The following DCAF6 variants were observed in gnomAD, a reference collection of about 807,000 sequenced individuals.
DCAF6 encodes the protein DDB1- and CUL4-associated factor 6.
A neutral mutation model predicts 125.1 loss-of-function variants in DCAF6; 54 were observed. That is an observed-to-expected ratio of 0.43 (90% CI 0.35 to 0.54). The LOEUF is 0.54. DCAF6 is among the 20% of genes least tolerant of loss of function. The pLI is 0.01. For missense variants in DCAF6, 934 were observed against 1,161.7 expected (o/e 0.80, Z 2.85); for synonymous variants, 371 against 390.4 (o/e 0.95, Z 0.58).
chr1:167,899,819 A>G, the DCAF6 span, among the ~76,000 whole-genome samples: 1 of 152,236 alleles, frequency 6.6e-6, no homozygotes, highest in Non-Finnish European at 1.5e-5. Context: ...CCCTTCTTCC[A>G]AAGCTAGAAA....
intron 7 of DCAF6, among the ~76,000 whole-genome samples, chr1:167,997,641 C>T (rs1681935961): frequency 6.7e-6 from 1 of 149,838 alleles, no homozygotes; most frequent in African/African-American, 2.5e-5. Flanking sequence ...GTTTAATTTT[C>T]AGGAAAAAAA....
At chr1:167,874,200 G>A in the DCAF6 span, among the ~76,000 whole-genome samples, 2,180 of 152,074 alleles carry the variant, frequency 0.014, 23 homozygotes, top group East Asian at 0.068. Context: ...GCATGGTGGC[G>A]GACACCTGTA....
chr1:167,915,641 C>T, the DCAF6 span, among the ~76,000 whole-genome samples: 2 of 152,022 alleles, frequency 1.3e-5, no homozygotes, highest in African/African-American at 2.4e-5. Flanking sequence ...AGTAGAGATG[C>T]GGTTTCACCA....
chr1:167,920,664 T>G, the DCAF6 span: 1 of 1,590,814 alleles, frequency 6.3e-7, no homozygotes, highest in East Asian at 2.3e-5. Context: ...AAAAAAAGTA[T>G]CACAAATGTG....
chr1:168,028,477 T>C (rs1387552336), intron 12 of DCAF6, among the ~76,000 whole-genome samples: 1 of 152,192 alleles, frequency 6.6e-6, no homozygotes, highest in Non-Finnish European at 1.5e-5. Context: ...AACTTACGTC[T>C]GTAGGCAGTT....
At chr1:168,002,455 T>C in intron 7 of DCAF6, 27 bp from the exon 8 acceptor site, 1 of 1,601,226 alleles carries the variant, frequency 6.2e-7, no homozygotes, top group Non-Finnish European at 8.6e-7. Flanking sequence ...TAGACTTACA[T>C]AGAATTTACC....
At chr1:167,872,007 A>G in the DCAF6 span, among the ~76,000 whole-genome samples, 2 of 152,178 alleles carry the variant, frequency 1.3e-5, no homozygotes, top group Admixed American at 1.3e-4. Flanking sequence ...TGTACCCTAG[A>G]ACTTAAAGTA....
intron 13 of DCAF6, among the ~76,000 whole-genome samples, chr1:168,042,066 T>C (rs999890613): frequency 2.0e-5 from 3 of 152,030 alleles, no homozygotes; most frequent in African/African-American, 4.8e-5. Flanking sequence ...AATAATATTA[T>C]ATATGTACTC....
the DCAF6 span, among the ~76,000 whole-genome samples, chr1:167,873,737 CAA>C: frequency 5.3e-5 from 8 of 151,852 alleles, no homozygotes; most frequent in Admixed American, 1.3e-4. Context: ...AAGGTAAAAA[CAA>C]AATTTCTGAA....
intron 2 of DCAF6, among the ~76,000 whole-genome samples, chr1:167,953,903 A>AT (rs1327115448): frequency 2.0e-5 from 3 of 151,492 alleles, no homozygotes; most frequent in Non-Finnish European, 1.5e-5. Flanking sequence ...CTGGCCCAAC[A>AT]TTTTTTTCAA....
At chr1:168,038,168 G>A (rs951307830) in intron 12 of DCAF6, among the ~76,000 whole-genome samples, 28 of 152,272 alleles carry the variant, frequency 1.8e-4, no homozygotes, top group African/African-American at 6.7e-4. Context: ...TGTACACAAA[G>A]CTAGAACTTG....
intron 10 of DCAF6, among the ~76,000 whole-genome samples, chr1:168,006,128 T>C (rs1683299878): frequency 6.6e-6 from 1 of 152,184 alleles, no homozygotes; most frequent in Non-Finnish European, 1.5e-5. Flanking sequence ...CAACTAATTC[T>C]AGTTGTTTCT....
chr1:168,033,634 G>A (rs987698994), intron 12 of DCAF6, among the ~76,000 whole-genome samples: 3 of 152,080 alleles, frequency 2.0e-5, no homozygotes, highest in Non-Finnish European at 2.9e-5. Context: ...GATCTTTTAA[G>A]TTGGTTTCCT....
At chr1:167,866,247 A>G in the DCAF6 span, among the ~76,000 whole-genome samples, 7 of 152,182 alleles carry the variant, frequency 4.6e-5, no homozygotes, top group East Asian at 1.2e-3. Context: ...AAAATAAGAC[A>G]TCGTAAAGCG....
At chr1:167,988,168 A>T (rs1680286105) in intron 5 of DCAF6, among the ~76,000 whole-genome samples, 1 of 152,080 alleles carries the variant, frequency 6.6e-6, no homozygotes, top group African/African-American at 2.4e-5. Flanking sequence ...TTAATTAATT[A>T]ATTTTTTTTG....
upstream of DCAF6, chr1:167,935,964 G>C: frequency 1.4e-6 from 1 of 734,480 alleles, no homozygotes. Context: ...CTCGCCTGGA[G>C]TACCCTTCCC....
the DCAF6 span, among the ~76,000 whole-genome samples, chr1:167,869,168 T>C: frequency 1.3e-5 from 2 of 152,176 alleles, no homozygotes; most frequent in African/African-American, 2.4e-5. Context: ...GTTTAGAAGG[T>C]GGTTCCCAGC....
intron 2 of DCAF6, among the ~76,000 whole-genome samples, chr1:167,954,462 T>A (rs1674450064): frequency 6.6e-6 from 1 of 151,960 alleles, no homozygotes; most frequent in South Asian, 2.1e-4. Context: ...TTTATTTTTT[T>A]ATTTTTTTGA....
chr1:167,920,638 A>G, the DCAF6 span: 1 of 1,608,148 alleles, frequency 6.2e-7, no homozygotes, highest in Non-Finnish European at 8.5e-7. Flanking sequence ...ACCCCTACAC[A>G]TTAACGCATA....
Sources: gnomAD v4.1 joint callset for allele counts (sites outside exome capture counted in the v4.1 genomes callset) on GRCh38, gnomAD v4.1.1 for gene constraint, MANE v1.5 for transcripts, NCBI Gene and HGNC (gene_info 2026-07-23, HGNC 2026-07-21) for gene names.